CLASP1: variants seen among roughly 807,000 people sequenced by gnomAD.
The protein encoded by CLASP1 is CLIP-associating protein 1.
In CLASP1, 38 loss-of-function variants were observed where a neutral mutation model predicts 192.3. That is an observed-to-expected ratio of 0.20 (90% CI 0.15 to 0.26). CLASP1 has a LOEUF of 0.26. Among genes scored for constraint, CLASP1 ranks in the 10% least tolerant of loss-of-function variants. The pLI, the probability that CLASP1 is intolerant of heterozygous loss-of-function variation, is 1.00. For synonymous variants in CLASP1, 691 were observed against 712.8 expected (o/e 0.97, Z 0.49); for missense variants, 1,433 against 1,932.5 (o/e 0.74, Z 4.85).
chr2:121,644,247 T>C (rs564579455), intron 1 of CLASP1, among the ~76,000 whole-genome samples: 2 of 152,158 alleles, frequency 1.3e-5, no homozygotes, highest in South Asian at 2.1e-4. Flanking sequence ...ACAAGGAAAT[T>C]TGAAAATCAT....
At chr2:121,437,758 T>C (rs2082551852) in intron 19 of CLASP1, among the ~76,000 whole-genome samples, 1 of 152,202 alleles carries the variant, frequency 6.6e-6, no homozygotes, top group African/African-American at 2.4e-5. Context: ...TTCTGTCCTT[T>C]ATGTCCTGCA....
intron 2 of CLASP1, chr2:121,531,093 G>C (rs76155351): frequency 9.2e-6 from 6 of 655,724 alleles, no homozygotes; most frequent in East Asian, 2.7e-5. Context: ...CCAGTAGAGG[G>C]TGCACAAGAC....
At chr2:121,476,257 C>G (rs1271441483) in intron 8 of CLASP1, among the ~76,000 whole-genome samples, 2 of 152,136 alleles carry the variant, frequency 1.3e-5, no homozygotes, top group Admixed American at 6.5e-5. Context: ...CAGAACCAGT[C>G]CCTTCAGCAG....
intron 2 of CLASP1, among the ~76,000 whole-genome samples, chr2:121,598,776 T>C (rs1374416232): frequency 6.6e-6 from 1 of 152,230 alleles, no homozygotes; most frequent in African/African-American, 2.4e-5. Context: ...GCCATTAAAT[T>C]GCCCTTGATA....
At chr2:121,598,842 A>G (rs997220458) in intron 2 of CLASP1, among the ~76,000 whole-genome samples, 6 of 152,162 alleles carry the variant, frequency 3.9e-5, no homozygotes, top group Non-Finnish European at 7.3e-5. Flanking sequence ...CTCAAGCTCC[A>G]GCCAACGTTT....
At chr2:121,545,829 T>TTGATATCAGAGATGGTAAAAC (rs1468384914) in intron 2 of CLASP1, among the ~76,000 whole-genome samples, 1 of 152,164 alleles carries the variant, frequency 6.6e-6, no homozygotes, top group African/African-American at 2.4e-5. Context: ...AAGACTCATC[T>TTGATATCAGAGATGGTAAAAC]TGATATCAGA....
At chr2:121,369,608 T>C (rs1028553530) in intron 34 of CLASP1, among the ~76,000 whole-genome samples, 2 of 152,192 alleles carry the variant, frequency 1.3e-5, no homozygotes, top group African/African-American at 4.8e-5. Flanking sequence ...TCAGTGTGTG[T>C]CTCCACGCAG....
chr2:121,624,665 C>T (rs551039408), intron 1 of CLASP1, among the ~76,000 whole-genome samples: 8 of 152,340 alleles, frequency 5.3e-5, no homozygotes. Context: ...GATCCACCTG[C>T]CTTGGCCTCC....
chr2:121,443,668 T>C (rs2083780514), intron 19 of CLASP1, among the ~76,000 whole-genome samples: 1 of 152,208 alleles, frequency 6.6e-6, no homozygotes, highest in South Asian at 2.1e-4. Context: ...TGTCCGACCC[T>C]AAGAACCACC....
At chr2:121,441,707 G>C (rs2083377716) in intron 19 of CLASP1, among the ~76,000 whole-genome samples, 1 of 151,820 alleles carries the variant, frequency 6.6e-6, no homozygotes, top group South Asian at 2.1e-4. Context: ...TAGCACCACT[G>C]CACTCCAGAG....
rs557759495 is a variant in CLASP1 at position 121,355,682 on chromosome 2, A to C, written c.4207-6964T>G. 1.1e-3 allele frequency among the ~76,000 whole-genome samples: 166 copies of C among 152,330 alleles called. 2 individuals are homozygous for C. Among genetic ancestry groups the C allele is most frequent in the Non-Finnish European group, 2.0e-3 (139 of 68,036 alleles). On this transcript the variant is annotated intron_variant, in intron 37 of 39. Coordinates refer to ENST00000263710, the Ensembl canonical transcript of CLASP1. ...AGGTTTTGCCCCTGTGTTCTATGTA[A>C]CATAAGAAGCAAAGATTATAAATGT... is the stretch of plus-strand genomic sequence containing the variant.
chr2:121,579,146 T>C (rs1401291967), intron 2 of CLASP1, among the ~76,000 whole-genome samples: 3 of 152,198 alleles, frequency 2.0e-5, no homozygotes, highest in African/African-American at 7.2e-5. Context: ...TTTATTCATA[T>C]GGTTTTTTTA....
chr2:121,583,941 A>C (rs1381490512), intron 2 of CLASP1, among the ~76,000 whole-genome samples: 1 of 149,196 alleles, frequency 6.7e-6, no homozygotes, highest in African/African-American at 2.6e-5. Flanking sequence ...AACTAGCTAG[A>C]CGCTTTTTTG....
chr2:121,508,893 A>C (rs978011764), intron 7 of CLASP1, among the ~76,000 whole-genome samples: 4 of 152,242 alleles, frequency 2.6e-5, no homozygotes, highest in East Asian at 1.9e-4. Context: ...TCTGTGCACA[A>C]AGACAGACAT....
At chr2:121,530,913 A>AT (rs1185849307) in intron 2 of CLASP1, 2 of 699,222 alleles carry the variant, frequency 2.9e-6, no homozygotes, top group Admixed American at 4.0e-5. Context: ...GCTACTGTCC[A>AT]ATGAGCGCAT....
chr2:121,577,378 AAG>A (rs377215338), intron 2 of CLASP1, among the ~76,000 whole-genome samples: 71 of 152,322 alleles, frequency 4.7e-4, no homozygotes, highest in African/African-American at 1.5e-3. Flanking sequence ...AACACATAAA[AAG>A]GAATCCTATG....
In CLASP1 at chr2:121,387,738, C is replaced by T. The variant is rs779393889; in HGVS notation, c.3267+25G>A. 7 of 1,613,100 alleles carry T rather than the reference C, an allele frequency of 4.3e-6. No homozygotes were observed. The South Asian group carries it at 5.5e-5, about 13-fold the overall frequency. On this transcript the variant is annotated intron_variant, in intron 31 of 39. Coordinates refer to ENST00000263710, the Ensembl canonical transcript of CLASP1. ...GCAGAGGTCATGGACATCACATAGGCACCAATCGTGACCAAAGCACTCACC... is the reference window on the plus strand; with the variant it reads ...GCAGAGGTCATGGACATCACATAGGTACCAATCGTGACCAAAGCACTCACC...
At chr2:121,478,674 C>CACCA (rs1559365542) in intron 8 of CLASP1, among the ~76,000 whole-genome samples, 13 of 86,156 alleles carry the variant, frequency 1.5e-4, no homozygotes, top group South Asian at 3.9e-4. Flanking sequence ...CCCACACACA[C>CACCA]CACACACACA....
chr2:121,602,774 G>A (rs1204438531), intron 2 of CLASP1, among the ~76,000 whole-genome samples: 1 of 152,100 alleles, frequency 6.6e-6, no homozygotes, highest in African/African-American at 2.4e-5. Context: ...AATAAAACTA[G>A]ATCCCCATCT....
Sources: gnomAD v4.1 joint callset for allele counts (sites outside exome capture counted in the v4.1 genomes callset) on GRCh38, gnomAD v4.1.1 for gene constraint, MANE v1.5 for transcripts, NCBI Gene and HGNC (gene_info 2026-07-23, HGNC 2026-07-21) for gene names.